Variants in CFAP20DC observed in about 807,000 individuals in gnomAD.
The protein encoded by CFAP20DC is protein CFAP20DC.
CFAP20DC carries 84 observed loss-of-function variants against 101.7 expected under a neutral mutation model. The observed-to-expected ratio is 0.83, with a 90% CI of 0.69 to 0.99. The LOEUF (loss-of-function observed/expected upper bound fraction) is 0.99. CFAP20DC is among the 50% of genes least tolerant of loss of function. The pLI is 0.00. For synonymous variants in CFAP20DC, 359 were observed against 351.2 expected (o/e 1.02, Z -0.25); for missense variants, 1,007 against 970.3 (o/e 1.04, Z -0.50).
intron 13 of CFAP20DC, among the ~76,000 whole-genome samples, chr3:58,843,407 G>C (rs1463363093): frequency 6.6e-6 from 1 of 152,054 alleles, no homozygotes; most frequent in South Asian, 2.1e-4. Flanking sequence ...GGAAGAAAGG[G>C]TATCAGCAAT....
Position 58,812,830 on chromosome 3 carries a change from T to C in CFAP20DC, c.2176-6374A>G, listed in dbSNP as rs1012828533. Among the ~76,000 whole-genome samples, 7 of 151,886 alleles carry C rather than the reference T, an allele frequency of 4.6e-5. 1 individual carries two copies. Among genetic ancestry groups the C allele is most frequent in the African/African-American group, 1.7e-4 (7 of 41,192 alleles). On this transcript the variant is annotated intron_variant, in intron 14 of 16. Coordinates refer to ENST00000482387, the MANE Select transcript of CFAP20DC (RefSeq NM_001394063.1). ...TATTATTATTTTAGTGGCCCAGTCA[T>C]TGGACCTCATAGCATCTATGATGTA...
chr3:58,816,466 T>C (rs574391033), intron 14 of CFAP20DC, among the ~76,000 whole-genome samples: 6,132 of 152,194 alleles, frequency 0.04, 175 homozygotes, highest in African/African-American at 0.083. Flanking sequence ...GGGCGAGGCA[T>C]TGCCTCACCT....
At chr3:58,851,332 T>C (rs866539553) in intron 12 of CFAP20DC, among the ~76,000 whole-genome samples, 2 of 152,160 alleles carry the variant, frequency 1.3e-5, no homozygotes, top group African/African-American at 2.4e-5. Flanking sequence ...ATTAGGATTG[T>C]TGAGGTGCCT....
intron 4 of CFAP20DC, among the ~76,000 whole-genome samples, chr3:58,956,654 C>G (rs960718646): frequency 6.6e-6 from 1 of 152,158 alleles, no homozygotes; most frequent in African/African-American, 2.4e-5. Flanking sequence ...AGCTTCTGCA[C>G]AGCAAAGGAA....
chr3:58,867,848 A>G lies in CFAP20DC; in HGVS notation c.1104T>C (p.Ser368=), dbSNP rs199595225. 6.2e-6 allele frequency: 10 copies of G among 1,613,532 alleles called. No individual in the cohort carries two copies. Among genetic ancestry groups the G allele is most frequent in the Admixed American group, 3.3e-5 (2 of 59,996 alleles). Residue 368 remains serine (S), a synonymous_variant, in exon 10 of 17, where the codon AGT becomes AGC. Transcript: ENST00000482387. ...NNNRRRLRLK[S]TSRERTETPS... ...GTGTCTCTGTCCTTTCTCTGCTGGTACTTTTTAACCGTAATCTTCTTCTGT... is the reference window on the plus strand; with the variant it reads ...GTGTCTCTGTCCTTTCTCTGCTGGTGCTTTTTAACCGTAATCTTCTTCTGT...
chr3:59,047,144 G>T, intron 2 of CFAP20DC, 21 bp downstream of exon 2: 1 of 1,428,948 alleles, frequency 7.0e-7, no homozygotes, highest in Non-Finnish European at 9.5e-7. Flanking sequence ...GATTTATGTG[G>T]CTCTAATTTC....
At chr3:58,837,021 G>C (rs372807549) in intron 13 of CFAP20DC, among the ~76,000 whole-genome samples, 19 of 152,202 alleles carry the variant, frequency 1.2e-4, no homozygotes, top group African/African-American at 4.6e-4. Flanking sequence ...AGGCAGAAAA[G>C]CATGGGGCAA....
rs75316350 is a variant in CFAP20DC at position 58,800,553 on chromosome 3, C to T, written c.2237+5842G>A. Among the ~76,000 whole-genome samples, 753 of 152,168 alleles carry T rather than the reference C, an allele frequency of 4.9e-3. 8 individuals carry two copies. The highest frequency in any genetic ancestry group is 0.017 in the African/African-American group (707 of 41,512). On this transcript the variant is annotated intron_variant, in intron 15 of 16. Coordinates refer to ENST00000482387, the MANE Select transcript of CFAP20DC (RefSeq NM_001394063.1). ...AATGGCTGGATTTTAGGCATGATGG[C>T]AGCTACATAGATCAGTTTGGAATTC...
chr3:59,027,384 T>C (rs1393192269), intron 4 of CFAP20DC, among the ~76,000 whole-genome samples: 2 of 152,148 alleles, frequency 1.3e-5, no homozygotes, highest in East Asian at 3.8e-4. Flanking sequence ...ATAGCAATAA[T>C]ATTCTCCATG....
Position 58,876,223 on chromosome 3 carries a change from A to C in CFAP20DC, c.716-5914T>G, listed in dbSNP as rs879821813. ...CTTAAGTCCTGCTTCACTTTAAAAAATCTGTGTATAATCATATTAATTGTC... is the reference window on the plus strand; with the variant it reads ...CTTAAGTCCTGCTTCACTTTAAAAACTCTGTGTATAATCATATTAATTGTC... On this transcript the variant is annotated intron_variant, in intron 7 of 16. Coordinates refer to ENST00000482387, the MANE Select transcript of CFAP20DC (RefSeq NM_001394063.1). Among the ~76,000 whole-genome samples, 3 of 152,144 alleles carry C rather than the reference A, an allele frequency of 2.0e-5. No individual in the cohort carries two copies. In the South Asian group the frequency reaches 6.2e-4, roughly 31 times the overall value.
At chr3:58,980,912 A>T (rs564497622) in intron 4 of CFAP20DC, among the ~76,000 whole-genome samples, 1 of 152,320 alleles carries the variant, frequency 6.6e-6, no homozygotes, top group African/African-American at 2.4e-5. Context: ...CAGGAAGACA[A>T]ATTGTCCCTG....
At chr3:58,741,630 G>C (rs982073198), downstream of CFAP20DC, among the ~76,000 whole-genome samples, 2 of 151,936 alleles carry the variant, frequency 1.3e-5, no homozygotes, top group African/African-American at 4.8e-5. Flanking sequence ...CTGAGTAGCT[G>C]GGACTACAGG....
rs1024181038 is a variant in CFAP20DC, at chr3:58,913,265, T to A, written c.550+443A>T. 2.6e-5 allele frequency among the ~76,000 whole-genome samples: 4 copies of A among 152,034 alleles called. No homozygotes were observed. Among genetic ancestry groups the A allele is most frequent in the Admixed American group, 2.6e-4 (4 of 15,240 alleles). On this transcript the variant is annotated intron_variant, in intron 6 of 16. Transcript: ENST00000482387. This position sits in a 1 kb window ranked among gnomAD's most constrained non-coding sequence, Gnocchi z 4.4. The stretch of plus-strand genomic sequence containing the variant: ...AGTAGCTACTGGCAGTGGGTGGAGG[T>A]GGCAAATGGATGGGGTTGTCCTTAG...
intron 3 of CFAP20DC, among the ~76,000 whole-genome samples, chr3:58,725,001 T>C (rs1185170897): frequency 6.6e-6 from 1 of 152,220 alleles, no homozygotes; most frequent in Non-Finnish European, 1.5e-5. Flanking sequence ...ACCGAACCAG[T>C]AAACATTTGG....
chr3:58,848,987 C>G (rs1575911076), intron 13 of CFAP20DC, 45 bp downstream of exon 13: 1 of 1,516,430 alleles, frequency 6.6e-7, no homozygotes. Flanking sequence ...CGGAACACAG[C>G]AGGATGTATT....
chr3:58,772,940 T>C (rs2070986311), intron 15 of CFAP20DC, among the ~76,000 whole-genome samples: 1 of 152,072 alleles, frequency 6.6e-6, no homozygotes, highest in African/African-American at 2.4e-5. Flanking sequence ...GCAGTAGAAA[T>C]GTAGGGTTGG....
chr3:58,920,593 T>A (rs1162521586), intron 5 of CFAP20DC, among the ~76,000 whole-genome samples: 1 of 152,222 alleles, frequency 6.6e-6, no homozygotes, highest in Admixed American at 6.5e-5. Flanking sequence ...TCTATTGAGA[T>A]AATCTTACGA....
chr3:58,861,260 A>G lies in CFAP20DC; in HGVS notation c.1593+2298T>C. 1 of 603,720 alleles carries G rather than the reference A, an allele frequency of 1.7e-6. No individual in the cohort carries two copies. Among genetic ancestry groups the G allele is most frequent in the Non-Finnish European group, 2.1e-6 (1 of 481,368 alleles). 37.4% of individuals were successfully genotyped at this position (603,720 alleles called of 1,614,324 possible). On this transcript the variant is annotated intron_variant, in intron 12 of 16. Transcript: ENST00000482387. The surrounding 1 kb of genome is among the most constrained non-coding windows in gnomAD (Gnocchi z 4.0). ...AAATAAAGTCTTTTAATTACACTTT[A>G]TAAACTTCAAGCATAATAATATAAT... is the stretch of plus-strand genomic sequence containing the variant.
At chr3:58,937,900 C>T in intron 4 of CFAP20DC, 138 bp from the exon 5 acceptor site, 1 of 632,686 alleles carries the variant, frequency 1.6e-6, no homozygotes. Flanking sequence ...TAAGAATTGC[C>T]TTTTTCTTTC....
Sources: gnomAD v4.1 joint callset for allele counts (sites outside exome capture counted in the v4.1 genomes callset) on GRCh38, gnomAD v4.1.1 for gene constraint, Gnocchi (gnomAD v3.1) non-coding constraint, MANE v1.5 for transcripts, NCBI Gene and HGNC (gene_info 2026-07-23, HGNC 2026-07-21) for gene names.